The following ESRRB variants were observed in gnomAD, a reference collection of about 807,000 sequenced individuals.
ESRRB encodes the protein steroid hormone receptor ERR2.
Under a neutral mutation model 46.0 loss-of-function variants are expected in ESRRB, and 16 were observed. The observed-to-expected ratio is 0.35, with a 90% CI of 0.24 to 0.53. The LOEUF (loss-of-function observed/expected upper bound fraction) is 0.53, where lower values mean the gene tolerates loss of function less well. Ranked by LOEUF, ESRRB falls within the 20% of genes least tolerant of loss-of-function variation. The pLI is 0.93. For missense variants in ESRRB, 488 were observed against 607.4 expected (o/e 0.80, Z 2.07); for synonymous variants, 246 against 259.6 (o/e 0.95, Z 0.50).
At chr14:76,367,839 C>G (rs1474411407), upstream of ESRRB, among the ~76,000 whole-genome samples, 1 of 152,138 alleles carries the variant, frequency 6.6e-6, no homozygotes, top group Non-Finnish European at 1.5e-5. Context: ...CAACCCATCC[C>G]TCCTTGTCCC....
At chr14:76,450,357 G>A (rs1425179538) in intron 2 of ESRRB, among the ~76,000 whole-genome samples, 1 of 152,152 alleles carries the variant, frequency 6.6e-6, no homozygotes, top group Non-Finnish European at 1.5e-5. Flanking sequence ...AAGTCTAGGG[G>A]CCATGGTGAG....
intron 1 of ESRRB, among the ~76,000 whole-genome samples, chr14:76,403,954 G>A (rs1009912828): frequency 6.6e-6 from 1 of 152,070 alleles, no homozygotes. Context: ...CCTGACTTCA[G>A]GTGATCCACC....
At chr14:76,422,533 T>C (rs2139891717) in intron 1 of ESRRB, among the ~76,000 whole-genome samples, 1 of 152,222 alleles carries the variant, frequency 6.6e-6, no homozygotes, top group South Asian at 2.1e-4. Flanking sequence ...TTATACTCAG[T>C]TTACAGAGGA....
intron 1 of ESRRB, among the ~76,000 whole-genome samples, chr14:76,385,669 G>A (rs950245296): frequency 7.9e-5 from 12 of 152,158 alleles, no homozygotes; most frequent in East Asian, 7.7e-4. Context: ...CCACCATCCC[G>A]TACTCCAAGC....
chr14:76,423,739 G>A (rs1279392633), intron 1 of ESRRB, among the ~76,000 whole-genome samples: 1 of 152,178 alleles, frequency 6.6e-6, no homozygotes, highest in Non-Finnish European at 1.5e-5. Context: ...TGCACCTACT[G>A]TGTGTCTATT....
chr14:76,463,450 T>TTTTTTTG (rs1555342260), intron 3 of ESRRB: 1 of 124,958 alleles, frequency 8.0e-6, no homozygotes, highest in African/African-American at 4.5e-5. Context: ...TCTTTGTTTT[T>TTTTTTTG]TTTTTTTTTT....
At chr14:76,436,088 G>A (rs1396582994) in intron 1 of ESRRB, among the ~76,000 whole-genome samples, 1 of 152,246 alleles carries the variant, frequency 6.6e-6, no homozygotes, top group East Asian at 1.9e-4. Context: ...GCCTGGAGGT[G>A]GGGCCCAGAC....
At chr14:76,380,434 T>C (rs1884962918) in intron 1 of ESRRB, among the ~76,000 whole-genome samples, 1 of 152,200 alleles carries the variant, frequency 6.6e-6, no homozygotes, top group South Asian at 2.1e-4. Context: ...CCCCAAGTCC[T>C]TTAAGCGACT....
chr14:76,367,867 TGTG>T (rs1203989044), upstream of ESRRB, among the ~76,000 whole-genome samples: 5 of 151,968 alleles, frequency 3.3e-5, no homozygotes, highest in Non-Finnish European at 7.4e-5. Flanking sequence ...TCCCCCTCCT[TGTG>T]GTGCTCAGAC....
intron 6 of ESRRB, among the ~76,000 whole-genome samples, chr14:76,494,543 G>A (rs1305167224): frequency 6.6e-6 from 1 of 152,126 alleles, no homozygotes; most frequent in African/African-American, 2.4e-5. Context: ...CCGACCTCAG[G>A]TGATCCACCC....
At chr14:76,496,290 C>T (rs941003539) in intron 6 of ESRRB, among the ~76,000 whole-genome samples, 4 of 148,246 alleles carry the variant, frequency 2.7e-5, no homozygotes, top group African/African-American at 9.9e-5. Context: ...CCAGTGATTC[C>T]TGACATGAGA....
In ESRRB at chr14:76,498,310, A is replaced by G. The variant is rs983156725; in HGVS notation, c.1217A>G (p.Glu406Gly). Residue 406 changes from glutamate to glycine, a missense_variant, in exon 7 of 7, where the codon GAG becomes GGG. By Grantham distance (98) the Glu-to-Gly change is moderately conservative (BLOSUM62 -2). Transcript: ENST00000644823. ...TACGAGCTGAGCCAGCGCCATGAGG[A>G]GCCCTGGAGGACGGGCAAGCTGCTG... ...QDYELSQRHE[E>G]PWRTGKLLLT... 2 of 1,613,052 alleles carry G rather than the reference A, an allele frequency of 1.2e-6. No homozygotes were observed. The highest frequency in any genetic ancestry group is 1.7e-6 in the Non-Finnish European group (2 of 1,179,738).
intron 1 of ESRRB, among the ~76,000 whole-genome samples, chr14:76,425,106 G>A (rs1354042051): frequency 1.3e-5 from 2 of 152,066 alleles, no homozygotes; most frequent in Non-Finnish European, 2.9e-5. Flanking sequence ...AGAAGTGCAG[G>A]GGATGTTGAC....
At chr14:76,343,564 A>G (rs1884215685) in intron 1 of ESRRB, among the ~76,000 whole-genome samples, 1 of 152,206 alleles carries the variant, frequency 6.6e-6, no homozygotes, top group Non-Finnish European at 1.5e-5. Flanking sequence ...TCACATGTGT[A>G]GCAGGTGGTG....
Position 76,439,756 on chromosome 14 carries a change from T to A in ESRRB, c.460+6T>A. The A allele has an allele frequency of 4.3e-6, 7 of 1,612,546 alleles. No individual in the cohort carries two copies. Among genetic ancestry groups the A allele is most frequent in the Non-Finnish European group, 5.9e-6 (7 of 1,178,694 alleles). ...CTTCAAGAGGACTATCCAAGGTGCGTGGTGGGCCTCAAGGAGCCTGGGCGC... is the reference window on the plus strand; with the variant it reads ...CTTCAAGAGGACTATCCAAGGTGCGAGGTGGGCCTCAAGGAGCCTGGGCGC... On this transcript the variant is annotated splice_donor_region_variant and intron_variant, in intron 2 of 6. Transcript: ENST00000644823.
intron 1 of ESRRB, among the ~76,000 whole-genome samples, chr14:76,416,765 G>C (rs940242571): frequency 2.6e-5 from 4 of 152,080 alleles, no homozygotes; most frequent in South Asian, 2.1e-4. Flanking sequence ...CACTATTCCT[G>C]GCCCATCTCT....
rs549231888 is a variant in ESRRB at position 76,420,558 on chromosome 14, A to AGTGTGTGTGTGAGTGTGT, written c.51-18772_51-18771insAGTGTGTGTGTGTGTGTG. On this transcript the variant is annotated intron_variant, in intron 1 of 6. Coordinates refer to ENST00000644823, the MANE Select transcript of ESRRB (RefSeq NM_001379180.1). ...AATAGGTCTTCTCCTACAGGGTGTG[A>AGTGTGTGTGTGAGTGTGT]GTGTGTGTGTGTGTGTGTGTGTGTG... Among the ~76,000 whole-genome samples, 785 of 142,436 alleles carry AGTGTGTGTGTGAGTGTGT rather than the reference A, an allele frequency of 5.5e-3. 7 individuals carry two copies. Among genetic ancestry groups the AGTGTGTGTGTGAGTGTGT allele is most frequent in the African/African-American group, 0.019 (720 of 37,860 alleles). The allele number at this position is 142,436 out of a possible 152,430, so 93.4% of individuals were successfully genotyped here.
rs150226207 is a variant in ESRRB, at chr14:76,439,626, C to G, written c.336C>G (p.Cys112Trp). The G allele has an allele frequency of 6.2e-7, 1 of 1,614,240 alleles. No homozygotes were observed. The highest frequency in any genetic ancestry group is 1.7e-5 in the Admixed American group (1 of 60,034). Reference sequence around the variant, plus strand: ...TCATGGAGGACTCGGCCATCAAGTGCGAGTACATGCTCAACGCCATCCCCA... The same window carrying G: ...TCATGGAGGACTCGGCCATCAAGTGGGAGTACATGCTCAACGCCATCCCCA... ...SGIMEDSAIKCEYMLNAIPKR... is the reference protein window; with the variant it reads ...SGIMEDSAIKWEYMLNAIPKR... Residue 112 changes from cysteine (C) to tryptophan (W), a missense_variant, in exon 2 of 7, where the codon TGC (cysteine) becomes TGG (tryptophan). Cys to Trp is a radical substitution (Grantham distance 215). Transcript: ENST00000644823.
At position 76,465,326 on chromosome 14, in the gene ESRRB, T is replaced by C. The variant is rs969209891; in HGVS notation, c.577+2665T>C. ...AACCTCCCACTCAATTCCTGGACCA[T>C]CTTGTAACACTGAGCAGAGTCTCTT... On this transcript the variant is annotated intron_variant, in intron 3 of 6. Coordinates refer to ENST00000644823, the MANE Select transcript of ESRRB (RefSeq NM_001379180.1). 1.4e-4 allele frequency among the ~76,000 whole-genome samples: 21 copies of C among 152,210 alleles called. No homozygotes were observed. In the South Asian group the frequency reaches 4.4e-3, roughly 32 times the overall value.
Sources: allele counts gnomAD v4.1 joint callset (sites outside exome capture counted in the v4.1 genomes callset), GRCh38; gene constraint gnomAD v4.1.1; transcripts MANE v1.5; gene names NCBI Gene and HGNC (gene_info 2026-07-23, HGNC 2026-07-21).